WWOX: variants seen among roughly 807,000 people sequenced by gnomAD.
The protein encoded by WWOX is WW domain-containing oxidoreductase.
Under a neutral mutation model 46.2 loss-of-function variants are expected in WWOX, and 69 were observed. That is an observed-to-expected ratio of 1.49 (90% CI 1.23 to 1.82). The LOEUF (loss-of-function observed/expected upper bound fraction) is 1.82. Among genes scored for constraint, WWOX ranks in the 40% most tolerant of loss-of-function variants. WWOX has a pLI of 0.00. For missense variants in WWOX, 919 were observed against 542.6 expected, an observed-to-expected ratio of 1.69 and a Z score of -6.89; for synonymous variants, 359 against 202.6, an observed-to-expected ratio of 1.77 and a Z score of -6.56.
At chr16:79,008,998 C>T (rs2047247202) in intron 8 of WWOX, among the ~76,000 whole-genome samples, 1 of 152,234 alleles carries the variant, frequency 6.6e-6, no homozygotes. Context: ...TATCCCGATT[C>T]AGCATCAGAT....
In WWOX at chr16:78,868,947, A is replaced by G. The variant is rs2044066687; in HGVS notation, c.1057-342661A>G. Among the ~76,000 whole-genome samples, 2 of 152,250 alleles carry G rather than the reference A, an allele frequency of 1.3e-5. 1 individual carries two copies. Among genetic ancestry groups the G allele is most frequent in the Middle Eastern group, 6.8e-3 (2 of 294 alleles). ...AAAACACACCTGCGTGCAAACGTCC[A>G]TACACACCCATGTACACACAGACAC... On this transcript the variant is annotated intron_variant, in intron 8 of 8. Coordinates refer to ENST00000566780, the MANE Select transcript of WWOX (RefSeq NM_016373.4).
rs183595971 is a variant in WWOX at position 78,763,910 on chromosome 16, C to T, written c.1056+331158C>T. On this transcript the variant is annotated intron_variant, in intron 8 of 8. Transcript: ENST00000566780. ...TTGTGTACACCCCAATGCCCCAAAA[C>T]CCTCTTCTATTTCCTTTAGCACTCT... 1.5e-4 allele frequency among the ~76,000 whole-genome samples: 23 copies of T among 152,286 alleles called. No homozygotes were observed. The East Asian group carries it at 2.7e-3, about 18-fold the overall frequency.
At chr16:78,591,607 C>G (rs755367450) in intron 8 of WWOX, among the ~76,000 whole-genome samples, 37 of 152,294 alleles carry the variant, frequency 2.4e-4, no homozygotes, top group Non-Finnish European at 4.0e-4. Flanking sequence ...TCTCTGTAAC[C>G]TTAGACGAGT....
At chr16:79,107,216 C>T (rs978365877) in intron 8 of WWOX, among the ~76,000 whole-genome samples, 2 of 151,986 alleles carry the variant, frequency 1.3e-5, no homozygotes, top group Admixed American at 1.3e-4. Context: ...GCTGGGATGA[C>T]AGGCACGAAT....
chr16:78,613,041 G>A (rs2045936924), intron 8 of WWOX, among the ~76,000 whole-genome samples: 1 of 152,082 alleles, frequency 6.6e-6, no homozygotes, highest in African/African-American at 2.4e-5. Flanking sequence ...TCCCCAAGAG[G>A]TGCCTCTTGA....
chr16:78,436,486 A>C (rs749193898), intron 8 of WWOX, among the ~76,000 whole-genome samples: 12 of 152,236 alleles, frequency 7.9e-5, no homozygotes, highest in Non-Finnish European at 1.8e-4. Flanking sequence ...AGACTGTGGA[A>C]TATGTAGCTA....
chr16:79,081,031 T>C (rs569614953), intron 8 of WWOX, among the ~76,000 whole-genome samples: 1 of 152,284 alleles, frequency 6.6e-6, no homozygotes, highest in Admixed American at 6.5e-5. Context: ...TCTTCTTTAC[T>C]TCTCACTCAT....
At chr16:78,527,376 C>G (rs1471896872) in intron 8 of WWOX, among the ~76,000 whole-genome samples, 1 of 151,618 alleles carries the variant, frequency 6.6e-6, no homozygotes, top group African/African-American at 2.4e-5. Context: ...TCACTGCCAC[C>G]TCTGCCTCCT....
chr16:78,537,897 G>A (rs538675079), intron 8 of WWOX, among the ~76,000 whole-genome samples: 16 of 152,188 alleles, frequency 1.1e-4, no homozygotes, highest in African/African-American at 2.2e-4. Flanking sequence ...GGTTGTCCGC[G>A]GTGCCAGTGA....
rs138415415 is a variant in WWOX, at chr16:79,182,142, G to A, written c.1057-29466G>A. On this transcript the variant is annotated intron_variant, in intron 8 of 8. Coordinates refer to ENST00000566780, the MANE Select transcript of WWOX (RefSeq NM_016373.4). ...GACATTAGAGCATTACTTCTCGGTG[G>A]CAAGGGAGGGACTCTTGTTCTTTCT... Among the ~76,000 whole-genome samples, 702 of 150,076 alleles carry A rather than the reference G, an allele frequency of 4.7e-3. 5 individuals are homozygous for A. Among genetic ancestry groups the A allele is most frequent in the African/African-American group, 7.2e-3 (287 of 39,698 alleles).
At chr16:78,946,760 G>A (rs888961067) in intron 8 of WWOX, among the ~76,000 whole-genome samples, 1 of 147,576 alleles carries the variant, frequency 6.8e-6, no homozygotes, top group Non-Finnish European at 1.5e-5. Context: ...GTGGTCCACA[G>A]AATTGGCAGT....
intron 3 of WWOX, among the ~76,000 whole-genome samples, chr16:78,110,300 A>G (rs1017769401): frequency 6.9e-6 from 1 of 144,198 alleles, no homozygotes; most frequent in East Asian, 2.1e-4. Flanking sequence ...AGATCGCGCC[A>G]CTGCACTCCA....
At chr16:78,721,052 T>C (rs2142352352) in intron 8 of WWOX, among the ~76,000 whole-genome samples, 1 of 152,144 alleles carries the variant, frequency 6.6e-6, no homozygotes, top group Middle Eastern at 3.4e-3. Context: ...GTCTATAAGA[T>C]TGAGGTCGTT....
rs1283933955 is a variant in WWOX, at chr16:79,212,031, T to TGGTGGC, written c.*236_*241dup. The TGGTGGC allele has an allele frequency of 1.3e-6, 2 of 1,536,138 alleles. No homozygotes were observed. Among genetic ancestry groups the TGGTGGC allele is most frequent in the Admixed American group, 2.0e-5 (1 of 50,982 alleles). On this transcript the variant is annotated 3_prime_UTR_variant, in exon 9 of 9. Transcript: ENST00000566780. ...AGGCATAGGTCTCTTTGCTTTCTGG[T>TGGTGGC]GGTGGCCTGTTTGAAAGTAAAAACC...
At chr16:78,889,235 T>C (rs1597110593) in intron 8 of WWOX, among the ~76,000 whole-genome samples, 1 of 152,142 alleles carries the variant, frequency 6.6e-6, no homozygotes, top group East Asian at 1.9e-4. Context: ...TTTATTAAAA[T>C]ACAGCTCCAC....
intron 1 of WWOX, among the ~76,000 whole-genome samples, chr16:78,103,260 T>G (rs1367188624): frequency 1.3e-5 from 2 of 150,764 alleles, no homozygotes; most frequent in Non-Finnish European, 3.0e-5. Context: ...TTTTTTTTTT[T>G]TTTTAATTTA....
chr16:78,292,367 T>C (rs573861658), intron 5 of WWOX, among the ~76,000 whole-genome samples: 13 of 152,212 alleles, frequency 8.5e-5, no homozygotes, highest in Non-Finnish European at 1.6e-4. Context: ...GCCTAACAAC[T>C]GAACACATTT....
chr16:78,761,816 A>T (rs1195942959), intron 8 of WWOX, among the ~76,000 whole-genome samples: 1 of 152,124 alleles, frequency 6.6e-6, no homozygotes, highest in Non-Finnish European at 1.5e-5. Context: ...TTAGGAGAGA[A>T]ATCATGCAGT....
chr16:79,136,867 C>T (rs2049991322), intron 8 of WWOX, among the ~76,000 whole-genome samples: 1 of 152,214 alleles, frequency 6.6e-6, no homozygotes, highest in African/African-American at 2.4e-5. Context: ...ATATTTGTTA[C>T]ATGCAATATG....
Sources: gnomAD v4.1 joint callset for allele counts (sites outside exome capture counted in the v4.1 genomes callset) on GRCh38, gnomAD v4.1.1 for gene constraint, MANE v1.5 for transcripts, NCBI Gene and HGNC (gene_info 2026-07-23, HGNC 2026-07-21) for gene names.